The following SRGAP3 variants were observed in gnomAD, a reference collection of about 807,000 sequenced individuals.
SRGAP3 encodes SLIT-ROBO Rho GTPase activating protein 3.
In SRGAP3, 39 loss-of-function variants were observed where a neutral mutation model predicts 121.1. That is an observed-to-expected ratio of 0.32 (90% confidence interval 0.25 to 0.42). SRGAP3 has a LOEUF of 0.42. SRGAP3 is among the 10% of genes least tolerant of loss of function. SRGAP3 has a pLI of 1.00. For synonymous variants in SRGAP3, 601 were observed against 570.0 expected, an observed-to-expected ratio of 1.05 and a Z score of -0.77; for missense variants, 1,213 against 1,470.6, an observed-to-expected ratio of 0.82 and a Z score of 2.86.
At chr3:9,335,340 G>A (rs767056318) in intron 1 of SRGAP3, among the ~76,000 whole-genome samples, 1 of 152,186 alleles carries the variant, frequency 6.6e-6, no homozygotes, top group Non-Finnish European at 1.5e-5. Flanking sequence ...GAATTTATAT[G>A]TGTGTATAAA....
intron 3 of SRGAP3, among the ~76,000 whole-genome samples, chr3:9,325,298 C>T (rs1380891803): frequency 6.6e-6 from 1 of 151,792 alleles, no homozygotes; most frequent in Non-Finnish European, 1.5e-5. Context: ...AACCAAACCA[C>T]ATAAAGTTAA....
At chr3:9,086,398 C>T (rs1457711747) in intron 3 of SRGAP3, among the ~76,000 whole-genome samples, 1 of 151,406 alleles carries the variant, frequency 6.6e-6, no homozygotes, top group Non-Finnish European at 1.5e-5. Flanking sequence ...TGGTGGCACA[C>T]ACCTGTAGTC....
At chr3:9,196,303 G>C (rs1295049862) in intron 1 of SRGAP3, among the ~76,000 whole-genome samples, 1 of 152,224 alleles carries the variant, frequency 6.6e-6, no homozygotes, top group Non-Finnish European at 1.5e-5. Flanking sequence ...GCTACGGTGT[G>C]ATTAAGAAAG....
chr3:9,065,676 C>T (rs1560056403), intron 4 of SRGAP3: 1 of 152,154 alleles, frequency 6.6e-6, no homozygotes, highest in Non-Finnish European at 1.5e-5. Flanking sequence ...ATCAGAACTT[C>T]TTTTTTATGG....
chr3:9,116,794 T>C (rs1948821328), intron 2 of SRGAP3, among the ~76,000 whole-genome samples: 1 of 152,232 alleles, frequency 6.6e-6, no homozygotes, highest in African/African-American at 2.4e-5. Context: ...ATCCTAGCTC[T>C]GCCACTCACC....
At chr3:9,067,634 T>C (rs932254135) in intron 4 of SRGAP3, among the ~76,000 whole-genome samples, 1 of 152,126 alleles carries the variant, frequency 6.6e-6, no homozygotes, top group Non-Finnish European at 1.5e-5. Flanking sequence ...AAAAGGACAC[T>C]GGGGCCTGTC....
At chr3:9,282,015 C>G (rs750718686) in intron 3 of SRGAP3, among the ~76,000 whole-genome samples, 16 of 152,218 alleles carry the variant, frequency 1.1e-4, no homozygotes, top group Admixed American at 9.8e-4. Context: ...CTGCACAATA[C>G]AGAAGGGAAT....
chr3:9,055,661 T>A (rs1574989568), intron 8 of SRGAP3, among the ~76,000 whole-genome samples: 3 of 152,316 alleles, frequency 2.0e-5, no homozygotes, highest in African/African-American at 7.2e-5. Flanking sequence ...TAATTTAAAA[T>A]ACCTACTGTT....
chr3:9,344,702 G>GT (rs1489632488), intron 1 of SRGAP3, among the ~76,000 whole-genome samples: 2 of 151,982 alleles, frequency 1.3e-5, no homozygotes, highest in Non-Finnish European at 2.9e-5. Context: ...AGCATCATTT[G>GT]TTTAACCAAC....
chr3:9,083,721 C>G (rs185425153), intron 3 of SRGAP3, among the ~76,000 whole-genome samples: 10 of 152,254 alleles, frequency 6.6e-5, no homozygotes, highest in Admixed American at 6.5e-4. Flanking sequence ...GGGCAGGGAC[C>G]CCATCCTAGA....
chr3:9,147,180 CT>C (rs1950053537), intron 1 of SRGAP3, among the ~76,000 whole-genome samples: 1 of 152,196 alleles, frequency 6.6e-6, no homozygotes, highest in Non-Finnish European at 1.5e-5. Context: ...ATTTTTACTT[CT>C]TACTTTTGCA....
intron 1 of SRGAP3, among the ~76,000 whole-genome samples, chr3:9,165,192 A>G (rs1391310042): frequency 6.6e-6 from 1 of 152,230 alleles, no homozygotes; most frequent in Non-Finnish European, 1.5e-5. Flanking sequence ...TCTTCCTGCC[A>G]TCTTCTCCTA....
At chr3:9,049,641 T>C (rs1047580035) in intron 9 of SRGAP3, among the ~76,000 whole-genome samples, 1 of 152,206 alleles carries the variant, frequency 6.6e-6, no homozygotes, top group Non-Finnish European at 1.5e-5. Context: ...CTGGGGAGAC[T>C]GTCAACACGC....
chr3:9,288,080 T>C (rs910223611), intron 3 of SRGAP3, among the ~76,000 whole-genome samples: 19 of 151,990 alleles, frequency 1.3e-4, no homozygotes, highest in African/African-American at 4.1e-4. Context: ...ATACTAATTA[T>C]ACATTTCAAT....
chr3:9,133,980 C>T (rs1949552407), intron 1 of SRGAP3, among the ~76,000 whole-genome samples: 1 of 152,178 alleles, frequency 6.6e-6, no homozygotes, highest in Non-Finnish European at 1.5e-5. Flanking sequence ...ATTCTCTCTA[C>T]TTTTGGAATG....
At chr3:9,336,590 T>C (rs1955697785) in intron 1 of SRGAP3, among the ~76,000 whole-genome samples, 1 of 151,952 alleles carries the variant, frequency 6.6e-6, no homozygotes, top group Non-Finnish European at 1.5e-5. Flanking sequence ...GGGTAGAATG[T>C]GAATATATAA....
chr3:9,183,790 A>T (rs1951505012), intron 1 of SRGAP3, among the ~76,000 whole-genome samples: 1 of 150,634 alleles, frequency 6.6e-6, no homozygotes, highest in Non-Finnish European at 1.5e-5. Context: ...ACACACACAC[A>T]CACACACACT....
At chr3:8,990,197 G>A (rs1941953623) in intron 21 of SRGAP3, among the ~76,000 whole-genome samples, 1 of 152,222 alleles carries the variant, frequency 6.6e-6, no homozygotes, top group Admixed American at 6.5e-5. Context: ...GTGAATGAAT[G>A]AGTCAAAAAC....
intron 1 of SRGAP3, among the ~76,000 whole-genome samples, chr3:9,163,503 C>A (rs956411129): frequency 1.3e-5 from 2 of 152,210 alleles, no homozygotes. Flanking sequence ...TAGGTCTTGG[C>A]CTGTGGCTCA....
Sources: allele counts gnomAD v4.1 joint callset (sites outside exome capture counted in the v4.1 genomes callset), GRCh38; gene constraint gnomAD v4.1.1; transcripts MANE v1.5; gene names NCBI Gene and HGNC (gene_info 2026-07-23, HGNC 2026-07-21).